GRIK3: variants seen among roughly 807,000 people sequenced by gnomAD.
GRIK3 encodes the protein glutamate receptor ionotropic, kainate 3.
GRIK3 carries 29 observed loss-of-function variants against 102.5 expected under a neutral mutation model. The observed-to-expected ratio is 0.28, with a 90% CI of 0.21 to 0.39. The LOEUF is 0.39. GRIK3 is among the 10% of genes least tolerant of loss of function. The probability of loss-of-function intolerance (pLI) is 1.00; values close to 1 mark genes in which losing one functional copy is unlikely to be tolerated. For synonymous variants in GRIK3, 511 were observed against 504.9 expected, an observed-to-expected ratio of 1.01 and a Z score of -0.16; for missense variants, 908 against 1,252.4, an observed-to-expected ratio of 0.73 and a Z score of 4.15.
At chr1:36,949,539 T>TTTTC (rs796292724) in intron 1 of GRIK3, among the ~76,000 whole-genome samples, 1 of 151,766 alleles carries the variant, frequency 6.6e-6, no homozygotes, top group South Asian at 2.1e-4. Context: ...CATGTCTTTC[T>TTTTC]TTTCTTTCTT....
In GRIK3 at chr1:36,950,525, C is replaced by G. The variant is rs114983667; in HGVS notation, c.116-59429G>C. Among the ~76,000 whole-genome samples the G allele has an allele frequency of 3.2e-3, 487 of 152,306 alleles. 6 individuals carry two copies. Among genetic ancestry groups the G allele is most frequent in the African/African-American group, 0.011 (456 of 41,556 alleles). On this transcript the variant is annotated intron_variant, in intron 1 of 15. Transcript: ENST00000373091. ...CATCTTTCCACACTCCCAGACAAAT[C>G]AGATTTCAGGAAGATGAAGCTGGAA... is the stretch of plus-strand genomic sequence containing the variant.
intron 1 of GRIK3, among the ~76,000 whole-genome samples, chr1:36,952,653 C>T (rs1641858996): frequency 6.6e-6 from 1 of 152,178 alleles, no homozygotes; most frequent in Admixed American, 6.5e-5. Context: ...TGGGGAGGAA[C>T]TTGCCTCCAG....
At position 36,981,375 on chromosome 1, in the gene GRIK3, G is replaced by A. The variant is rs1357877636; in HGVS notation, c.115+52619C>T. 7.2e-5 allele frequency among the ~76,000 whole-genome samples: 11 copies of A among 152,312 alleles called. No homozygotes were observed. In the East Asian group the frequency reaches 2.1e-3, roughly 29 times the overall value. On this transcript the variant is annotated intron_variant, in intron 1 of 15. Coordinates refer to ENST00000373091, the MANE Select transcript of GRIK3 (RefSeq NM_000831.4). ...CCATGCCCCTTTAGTTGCCTGCCTGGTGACCAGAGAGAGGGGGCAGTGAGC... is the reference window on the plus strand; with the variant it reads ...CCATGCCCCTTTAGTTGCCTGCCTGATGACCAGAGAGAGGGGGCAGTGAGC...
intron 1 of GRIK3, among the ~76,000 whole-genome samples, chr1:36,971,720 A>G (rs894576277): frequency 7.2e-5 from 11 of 152,150 alleles, no homozygotes; most frequent in African/African-American, 2.7e-4. Flanking sequence ...CTGATCCTCA[A>G]TGCTCAAAGA....
intron 9 of GRIK3, chr1:36,849,543 G>T (rs1002746048): frequency 6.6e-6 from 1 of 152,446 alleles, no homozygotes; most frequent in African/African-American, 2.4e-5. Context: ...CCCCAAGATG[G>T]CTCGGCTTGA....
At chr1:36,956,640 C>A (rs2124340380) in intron 1 of GRIK3, among the ~76,000 whole-genome samples, 1 of 152,280 alleles carries the variant, frequency 6.6e-6, no homozygotes. Context: ...CTGAGCCCAG[C>A]ATCCTTGGGA....
intron 1 of GRIK3, among the ~76,000 whole-genome samples, chr1:37,016,353 T>C (rs977022699): frequency 1.1e-4 from 16 of 152,160 alleles, no homozygotes; most frequent in Non-Finnish European, 4.4e-5. Flanking sequence ...ATCTGGAAAG[T>C]GGGAATGATT....
In GRIK3 at chr1:36,819,636, C is replaced by A; in HGVS notation, c.1873+100G>T. 2.8e-6 allele frequency: 2 copies of A among 717,490 alleles called. No individual in the cohort carries two copies. 44.4% of individuals were successfully genotyped at this position (717,490 alleles called of 1,614,324 possible). ...GCCGGCTCATCAGGGTCTGAGGCTA[C>A]CCCTAGAGGTGTGGGCTGGCTCTGC... is the stretch of plus-strand genomic sequence containing the variant. On this transcript the variant is annotated intron_variant, in intron 12 of 15. Coordinates refer to ENST00000373091, the MANE Select transcript of GRIK3 (RefSeq NM_000831.4). This position sits in a 1 kb window ranked among gnomAD's most constrained non-coding sequence, Gnocchi z 4.1.
chr1:36,860,827 C>A (rs1174418002), intron 5 of GRIK3, among the ~76,000 whole-genome samples: 4 of 152,202 alleles, frequency 2.6e-5, no homozygotes, highest in African/African-American at 9.6e-5. Context: ...CTGTTGAAAA[C>A]CACGCAAACC....
chr1:36,938,934 A>C (rs1641689055), intron 1 of GRIK3, among the ~76,000 whole-genome samples: 1 of 152,216 alleles, frequency 6.6e-6, no homozygotes, highest in Admixed American at 6.5e-5. Context: ...GAGAGGCTGA[A>C]GATGATTCAC....
intron 1 of GRIK3, among the ~76,000 whole-genome samples, chr1:36,892,880 G>A (rs1641132803): frequency 6.6e-6 from 1 of 152,168 alleles, no homozygotes; most frequent in Non-Finnish European, 1.5e-5. Context: ...AGAGACTCAA[G>A]TAGAGATAAG....
At chr1:36,894,090 A>C (rs1226176644) in intron 1 of GRIK3, among the ~76,000 whole-genome samples, 2 of 152,222 alleles carry the variant, frequency 1.3e-5, no homozygotes, top group Non-Finnish European at 2.9e-5. Context: ...AAATTTACTG[A>C]GTTCTATGAC....
chr1:36,896,835 G>A (rs1641177782), intron 1 of GRIK3, among the ~76,000 whole-genome samples: 1 of 152,118 alleles, frequency 6.6e-6, no homozygotes, highest in African/African-American at 2.4e-5. Context: ...TTCCTGGAAT[G>A]CAAGGATGGT....
intron 7 of GRIK3, among the ~76,000 whole-genome samples, chr1:36,856,441 C>A (rs1640652887): frequency 6.6e-6 from 1 of 152,224 alleles, no homozygotes; most frequent in South Asian, 2.1e-4. Context: ...GCTTCACACG[C>A]TCTGAACTCC....
At chr1:37,000,556 C>G (rs1642467044) in intron 1 of GRIK3, among the ~76,000 whole-genome samples, 2 of 152,262 alleles carry the variant, frequency 1.3e-5, no homozygotes, top group South Asian at 4.1e-4. Flanking sequence ...TTGCCAGGCA[C>G]CAGGCTGAGT....
chr1:36,861,326 A>G (rs756795747), intron 5 of GRIK3, among the ~76,000 whole-genome samples: 3 of 152,228 alleles, frequency 2.0e-5, no homozygotes, highest in African/African-American at 4.8e-5. Context: ...TGAGGTCACT[A>G]TCTGAGCTCC....
chr1:36,922,351 C>T (rs1017771333), intron 1 of GRIK3, among the ~76,000 whole-genome samples: 2 of 152,168 alleles, frequency 1.3e-5, no homozygotes, highest in Non-Finnish European at 2.9e-5. Context: ...CAGGTACCAC[C>T]CGCCCCCTTA....
At position 36,937,279 on chromosome 1, in the gene GRIK3, C is replaced by G. The variant is rs183823281; in HGVS notation, c.116-46183G>C. ...TGGTGCCACGCCCTCGAGTGAACAA[C>G]AAGCCCGGTGTGAATCAGCTTCCTA... On this transcript the variant is annotated intron_variant, in intron 1 of 15. Coordinates refer to ENST00000373091, the MANE Select transcript of GRIK3 (RefSeq NM_000831.4). 5.4e-3 allele frequency among the ~76,000 whole-genome samples: 828 copies of G among 152,260 alleles called. 4 individuals carry two copies. The highest frequency in any genetic ancestry group is 0.019 in the African/African-American group (800 of 41,550).
chr1:36,880,582 C>G lies in GRIK3; in HGVS notation c.550+52G>C. ...AAACAGACAAGAGCTTGATCCTGGG[C>G]CTCTGCCCCCCTCAACCGTTGCCCC... On this transcript the variant is annotated intron_variant, in intron 3 of 15. Transcript: ENST00000373091. This position sits in a 1 kb window ranked among gnomAD's most constrained non-coding sequence, Gnocchi z 5.4. 6.4e-7 allele frequency: 1 copy of G among 1,565,800 alleles called. No individual in the cohort carries two copies. Among genetic ancestry groups the G allele is most frequent in the Non-Finnish European group, 8.8e-7 (1 of 1,139,436 alleles).
Sources: gnomAD v4.1 joint callset for allele counts (sites outside exome capture counted in the v4.1 genomes callset) on GRCh38, gnomAD v4.1.1 for gene constraint, Gnocchi (gnomAD v3.1) non-coding constraint, MANE v1.5 for transcripts, NCBI Gene and HGNC (gene_info 2026-07-23, HGNC 2026-07-21) for gene names.